The following KDM2A variants were observed in gnomAD, a reference collection of about 807,000 sequenced individuals.
KDM2A encodes the protein lysine-specific demethylase 2A.
In KDM2A, 3 loss-of-function variants were observed where a neutral mutation model predicts 137.3. The observed-to-expected ratio is 0.02, with a 90% CI of 0.01 to 0.06. The LOEUF is 0.06. Ranked by LOEUF, KDM2A falls within the 10% of genes least tolerant of loss-of-function variation. The pLI, the probability that KDM2A is intolerant of heterozygous loss-of-function variation, is 1.00. For missense variants in KDM2A, 738 were observed against 1,510.6 expected (o/e 0.49, Z 8.48); for synonymous variants, 512 against 541.5 (o/e 0.95, Z 0.76).
chr11:67,156,847 C>T (rs781334528), intron 2 of KDM2A, among the ~76,000 whole-genome samples: 1 of 151,972 alleles, frequency 6.6e-6, no homozygotes, highest in Non-Finnish European at 1.5e-5. Context: ...CGAGATCGCG[C>T]CACTGCACTT....
chr11:67,169,934 T>G (rs557802315), intron 2 of KDM2A, among the ~76,000 whole-genome samples: 9 of 151,734 alleles, frequency 5.9e-5, no homozygotes, highest in Non-Finnish European at 1.0e-4. Context: ...ATTTTTGTAT[T>G]TTTAGTAGAG....
chr11:67,252,569 C>G (rs1208637274), intron 17 of KDM2A, 125 bp from the exon 18 acceptor site: 1 of 1,048,876 alleles, frequency 9.5e-7, no homozygotes. Context: ...AAGGTGTGAT[C>G]CCTGTACACT....
chr11:67,177,536 G>T (rs1189206297), intron 2 of KDM2A, among the ~76,000 whole-genome samples: 1 of 151,884 alleles, frequency 6.6e-6, no homozygotes, highest in African/African-American at 2.4e-5. Context: ...GGGGTCATCA[G>T]TATCACAGAG....
At chr11:67,151,683 A>T (rs1856393886) in intron 2 of KDM2A, among the ~76,000 whole-genome samples, 3 of 152,170 alleles carry the variant, frequency 2.0e-5, no homozygotes, top group Admixed American at 2.0e-4. Flanking sequence ...TGAAAAAAGG[A>T]TTAAAATAGC....
At chr11:67,204,324 C>T (rs1004692175) in intron 5 of KDM2A, among the ~76,000 whole-genome samples, 1 of 152,088 alleles carries the variant, frequency 6.6e-6, no homozygotes, top group Non-Finnish European at 1.5e-5. Flanking sequence ...CCCAAACAAA[C>T]TCCATACCTT....
Position 67,227,562 on chromosome 11 carries a change from A to G in KDM2A, c.958-475A>G, listed in dbSNP as rs74680971. On this transcript the variant is annotated intron_variant, in intron 10 of 20. Transcript: ENST00000529006. The stretch of plus-strand genomic sequence containing the variant: ...TTGGTGGTTCTAAATGGTCTTCCTC[A>G]AGTACCTTTTTTTGTTGTTGTTGTT... 2.1e-4 allele frequency among the ~76,000 whole-genome samples: 32 copies of G among 151,908 alleles called. No homozygotes were observed. The East Asian group carries it at 5.2e-3, about 25-fold the overall frequency.
intron 2 of KDM2A, among the ~76,000 whole-genome samples, chr11:67,170,678 G>C (rs1366055602): frequency 2.6e-5 from 4 of 152,080 alleles, no homozygotes; most frequent in African/African-American, 9.7e-5. Context: ...CTCTGAAAGT[G>C]CTGGGATTAC....
chr11:67,189,016 A>G (rs1420604962), intron 5 of KDM2A, among the ~76,000 whole-genome samples: 3 of 152,114 alleles, frequency 2.0e-5, no homozygotes, highest in Non-Finnish European at 4.4e-5. Context: ...GAACAACCAG[A>G]CAGAAAATAA....
intron 6 of KDM2A, among the ~76,000 whole-genome samples, chr11:67,208,394 T>C (rs1857877909): frequency 6.6e-6 from 1 of 151,906 alleles, no homozygotes; most frequent in Admixed American, 6.6e-5. Flanking sequence ...TAATTTTATA[T>C]AGGGCAGGAT....
chr11:67,246,231 T>C (rs2136451882), intron 15 of KDM2A, 115 bp downstream of exon 15: 1 of 1,140,984 alleles, frequency 8.8e-7, no homozygotes, highest in Non-Finnish European at 1.3e-6. Flanking sequence ...ATCAGCTCTG[T>C]GGTCACATAA....
chr11:67,133,664 A>G (rs1441089210), intron 2 of KDM2A, among the ~76,000 whole-genome samples: 1 of 151,340 alleles, frequency 6.6e-6, no homozygotes, highest in Non-Finnish European at 1.5e-5. Flanking sequence ...CGGCCTCCCA[A>G]AGTGCTGGGA....
At chr11:67,121,170 C>T (rs1855590590) in intron 1 of KDM2A, 64 bp from the exon 2 acceptor site, 1 of 662,234 alleles carries the variant, frequency 1.5e-6, no homozygotes, top group Non-Finnish European at 2.7e-6. Context: ...ATACTCCTTT[C>T]CGTGAACAGA....
chr11:67,224,485 A>T (rs1203455624), intron 10 of KDM2A, among the ~76,000 whole-genome samples: 15 of 12,598 alleles, frequency 1.2e-3, no homozygotes, highest in South Asian at 4.7e-3. Flanking sequence ...TTTTTTTTTG[A>T]GACAGAGTCT....
chr11:67,131,412 CTTT>C (rs563635809), intron 2 of KDM2A, among the ~76,000 whole-genome samples: 4 of 132,782 alleles, frequency 3.0e-5, no homozygotes, highest in Admixed American at 7.5e-5. Flanking sequence ...GTTTTCTTTT[CTTT>C]TTTTTTTTTT....
chr11:67,158,172 A>G (rs999793556), intron 2 of KDM2A, among the ~76,000 whole-genome samples: 1 of 152,066 alleles, frequency 6.6e-6, no homozygotes, highest in Non-Finnish European at 1.5e-5. Context: ...CCTTTCTAAA[A>G]TGTCGTATAG....
chr11:67,132,760 A>G (rs1469041612), intron 2 of KDM2A, among the ~76,000 whole-genome samples: 1 of 151,278 alleles, frequency 6.6e-6, no homozygotes, highest in East Asian at 2.0e-4. Flanking sequence ...CATTAGCAGC[A>G]TGAGCATTAA....
rs778005767 is a variant in KDM2A, at chr11:67,254,168, G to A, written c.3092-35G>A. 1.5e-5 allele frequency: 24 copies of A among 1,574,680 alleles called. No homozygotes were observed. The highest frequency in any genetic ancestry group is 1.7e-4 in the Middle Eastern group (1 of 5,918). On this transcript the variant is annotated intron_variant, in intron 19 of 20. Coordinates refer to ENST00000529006, the MANE Select transcript of KDM2A (RefSeq NM_012308.3). The surrounding 1 kb of genome is among the most constrained non-coding windows in gnomAD (Gnocchi z 4.7). ...CCTTGAAGCTGGATTAGAGAATTGA[G>A]AGTTTTGATCTAGGCTCTTCTCTTG...
chr11:67,190,734 C>G (rs1016062045), intron 5 of KDM2A, among the ~76,000 whole-genome samples: 2 of 151,896 alleles, frequency 1.3e-5, no homozygotes, highest in East Asian at 3.9e-4. Context: ...GTACTCCAGC[C>G]TAGGCAACAG....
rs1377591983 is a variant in KDM2A, at chr11:67,247,453, G to C, written c.1966-828G>C. On this transcript the variant is annotated intron_variant, in intron 15 of 20. Transcript: ENST00000529006. Reference sequence around the variant, plus strand: ...TTTTTTTTTTTTTTTTTTAAGACATGGTCTCCCTCTGTTGCCCAGGCTGGA... The same window carrying C: ...TTTTTTTTTTTTTTTTTTAAGACATCGTCTCCCTCTGTTGCCCAGGCTGGA... Among the ~76,000 whole-genome samples the C allele has an allele frequency of 5.7e-5, 6 of 104,676 alleles. No homozygotes were observed. In the East Asian group the frequency reaches 1.9e-3, roughly 32 times the overall value. The allele number at this position is 104,676 out of a possible 152,430, so 68.7% of individuals were successfully genotyped here. A position where few individuals can be genotyped will look rare whatever the true frequency, so the allele number is the denominator to read the frequency against.
Sources: allele counts gnomAD v4.1 joint callset (sites outside exome capture counted in the v4.1 genomes callset), GRCh38; gene constraint gnomAD v4.1.1; non-coding constraint Gnocchi (gnomAD v3.1); transcripts MANE v1.5; gene names NCBI Gene and HGNC (gene_info 2026-07-23, HGNC 2026-07-21).